The following PCDH7 variants were observed in gnomAD, a reference collection of about 807,000 sequenced individuals.
The protein encoded by PCDH7 is protocadherin 7, also known as protocadherin-7.
A neutral mutation model predicts 58.9 loss-of-function variants in PCDH7; 17 were observed. The ratio of observed to expected loss-of-function variants is 0.29; its 90% CI spans 0.20 to 0.43. PCDH7 has a LOEUF of 0.43. Among genes scored for constraint, PCDH7 ranks in the 20% least tolerant of loss-of-function variants. The probability of loss-of-function intolerance (pLI) is 1.00; values close to 1 mark genes in which losing one functional copy is unlikely to be tolerated. For synonymous variants in PCDH7, 664 were observed against 616.4 expected (o/e 1.08, Z -1.14); for missense variants, 1,274 against 1,441.0 (o/e 0.88, Z 1.88).
intron 3 of PCDH7, among the ~76,000 whole-genome samples, chr4:31,082,855 ACTTTGGGAGG>A (rs1711712391): frequency 6.6e-6 from 1 of 152,182 alleles, no homozygotes; most frequent in Admixed American, 6.5e-5. Flanking sequence ...TAATCCCAGC[ACTTTGGGAGG>A]CCAAGGGCCA....
chr4:31,081,205 G>GT (rs1400962870), intron 3 of PCDH7, among the ~76,000 whole-genome samples: 4 of 152,178 alleles, frequency 2.6e-5, no homozygotes, highest in African/African-American at 9.6e-5. Context: ...ATAGTTTATA[G>GT]TTTTTTAGAG....
In PCDH7 at chr4:30,722,721, C is replaced by G; in HGVS notation, c.1299C>G (p.Ala433=). 1 of 1,613,498 alleles carries G rather than the reference C, an allele frequency of 6.2e-7. No individual in the cohort carries two copies. Among genetic ancestry groups the G allele is most frequent in the South Asian group, 1.1e-5 (1 of 91,062 alleles). Residue 433 remains alanine (A), a synonymous_variant, in exon 1 of 2, where the codon GCC becomes GCG. Coordinates refer to ENST00000361762, the Ensembl canonical transcript of PCDH7. This position sits in a 1 kb window ranked among gnomAD's most constrained non-coding sequence, Gnocchi z 7.6. ...TCAAGGACGGGGTGGCCAACGTGGC[C>G]GAGGACGTTCTGGTCGACACCCCCA...
chr4:31,086,377 G>T (rs558456613), intron 3 of PCDH7, among the ~76,000 whole-genome samples: 1 of 152,274 alleles, frequency 6.6e-6, no homozygotes, highest in East Asian at 1.9e-4. Flanking sequence ...GTTTTTGCAT[G>T]CTGTGTGTCT....
chr4:30,720,474 C>G lies in PCDH7; in HGVS notation c.-949C>G, dbSNP rs928298744. ...TGCGAACCCAAACTTGGGCACCGCA[C>G]GGTGCGCACTGCTCAGCCTTCGCCC... On this transcript the variant is annotated 5_prime_UTR_variant, in exon 1 of 2. Coordinates refer to ENST00000361762, the Ensembl canonical transcript of PCDH7. This position sits in a 1 kb window ranked among gnomAD's most constrained non-coding sequence, Gnocchi z 4.7. 1.3e-5 allele frequency: 2 copies of G among 152,750 alleles called. No individual in the cohort carries two copies. The highest frequency in any genetic ancestry group is 1.3e-4 in the Admixed American group (2 of 15,290). The allele number at this position is 152,750 out of a possible 1,614,324, so 9.5% of individuals were successfully genotyped here. A position where few individuals can be genotyped will look rare whatever the true frequency, so the allele number is the denominator to read the frequency against.
At chr4:31,137,281 T>C (rs1719715781) in intron 3 of PCDH7, among the ~76,000 whole-genome samples, 1 of 152,222 alleles carries the variant, frequency 6.6e-6, no homozygotes, top group Admixed American at 6.5e-5. Context: ...TTATTTTGTC[T>C]CTAAAGGAAA....
At chr4:30,984,219 T>C (rs1750790063) in intron 3 of PCDH7, among the ~76,000 whole-genome samples, 1 of 152,206 alleles carries the variant, frequency 6.6e-6, no homozygotes, top group African/African-American at 2.4e-5. Context: ...GGTTAGTTTT[T>C]ATATAAAATC....
At chr4:30,807,319 C>A (rs191784809) in intron 1 of PCDH7, among the ~76,000 whole-genome samples, 1 of 152,082 alleles carries the variant, frequency 6.6e-6, no homozygotes, top group Non-Finnish European at 1.5e-5. Context: ...CAAAAAAAGA[C>A]GTTGTCTTCC....
intron 2 of PCDH7, among the ~76,000 whole-genome samples, chr4:30,941,654 T>C (rs1359554078): frequency 6.6e-6 from 1 of 151,988 alleles, no homozygotes; most frequent in Non-Finnish European, 1.5e-5. Context: ...TATTTTATTC[T>C]ACTGTTTAAA....
intron 1 of PCDH7, among the ~76,000 whole-genome samples, chr4:30,834,620 T>C (rs1015386850): frequency 2.0e-5 from 3 of 151,972 alleles, no homozygotes; most frequent in African/African-American, 4.8e-5. Context: ...TGATGGTCTT[T>C]GGTAAAAATG....
At chr4:30,888,680 A>C (rs1236140601) in intron 1 of PCDH7, among the ~76,000 whole-genome samples, 2 of 152,112 alleles carry the variant, frequency 1.3e-5, no homozygotes, top group African/African-American at 4.8e-5. Context: ...GTACATAGTA[A>C]AATATGGATT....
At chr4:30,794,193 G>A (rs528920255) in intron 1 of PCDH7, among the ~76,000 whole-genome samples, 1 of 152,272 alleles carries the variant, frequency 6.6e-6, no homozygotes. Context: ...GGCCACAACG[G>A]TTGTGAATAT....
chr4:31,103,153 T>A lies in PCDH7; in HGVS notation c.*8-39320T>A, dbSNP rs189402484. On this transcript the variant is annotated intron_variant, in intron 3 of 3. Transcript: ENST00000509759. ...GACGTATGACTAACTGCCAGATCAG[T>A]GTCTTTCACATTTTGGTAACCATAT... Among the ~76,000 whole-genome samples, 1,438 of 152,320 alleles carry A rather than the reference T, an allele frequency of 9.4e-3. 9 individuals carry two copies. Among genetic ancestry groups the A allele is most frequent in the Middle Eastern group, 0.017 (5 of 294 alleles).
chr4:31,019,257 A>G (rs1474343706), intron 3 of PCDH7, among the ~76,000 whole-genome samples: 2 of 152,198 alleles, frequency 1.3e-5, no homozygotes, highest in African/African-American at 4.8e-5. Flanking sequence ...TAGTCTTAAA[A>G]TGATTTGCTA....
intron 3 of PCDH7, among the ~76,000 whole-genome samples, chr4:31,014,511 T>G (rs1333556791): frequency 6.6e-6 from 1 of 152,102 alleles, no homozygotes; most frequent in African/African-American, 2.4e-5. Flanking sequence ...TGGACTGAAC[T>G]GAGCAGAAGG....
intron 1 of PCDH7, among the ~76,000 whole-genome samples, chr4:30,791,053 T>C (rs1724064000): frequency 6.6e-6 from 1 of 152,204 alleles, no homozygotes; most frequent in Non-Finnish European, 1.5e-5. Context: ...TGTATATATG[T>C]ATAATTTGTG....
intron 3 of PCDH7, among the ~76,000 whole-genome samples, chr4:31,087,649 G>A (rs1712637663): frequency 6.6e-6 from 1 of 152,048 alleles, no homozygotes; most frequent in South Asian, 2.1e-4. Flanking sequence ...TTAGTGAAAG[G>A]ACCTCCATTC....
chr4:30,908,957 T>C (rs377047759), intron 1 of PCDH7, among the ~76,000 whole-genome samples: 1 of 152,120 alleles, frequency 6.6e-6, no homozygotes, highest in African/African-American at 2.4e-5. Context: ...GCAAATGCAG[T>C]AGCATATCAA....
chr4:31,052,813 T>C (rs990545673), intron 3 of PCDH7, among the ~76,000 whole-genome samples: 19 of 152,160 alleles, frequency 1.2e-4, no homozygotes, highest in African/African-American at 3.9e-4. Flanking sequence ...AATTTCAAAC[T>C]ATTCTAAGGA....
chr4:30,824,119 C>CTTTT (rs1194814006), intron 1 of PCDH7, among the ~76,000 whole-genome samples: 16 of 144,370 alleles, frequency 1.1e-4, no homozygotes, highest in African/African-American at 3.6e-4. Context: ...TTCTTTCTTT[C>CTTTT]TTTCTTTCTT....
Sources: gnomAD v4.1 joint callset for allele counts (sites outside exome capture counted in the v4.1 genomes callset) on GRCh38, gnomAD v4.1.1 for gene constraint, Gnocchi (gnomAD v3.1) non-coding constraint, MANE v1.5 for transcripts, NCBI Gene and HGNC (gene_info 2026-07-23, HGNC 2026-07-21) for gene names.